FRMPD4: variants seen among roughly 807,000 people sequenced by gnomAD.
The protein encoded by FRMPD4 is FERM and PDZ domain containing 4.
In FRMPD4, 22 loss-of-function variants were observed where a neutral mutation model predicts 94.1. The ratio of observed to expected loss-of-function variants is 0.23; its 90% confidence interval spans 0.17 to 0.33. The LOEUF (loss-of-function observed/expected upper bound fraction) is 0.33, where lower values mean the gene tolerates loss of function less well. FRMPD4 is among the 10% of genes least tolerant of loss of function. FRMPD4 has a pLI of 1.00. For synonymous variants in FRMPD4, 631 were observed against 548.6 expected, an observed-to-expected ratio of 1.15 and a Z score of -2.10; for missense variants, 1,111 against 1,339.9, an observed-to-expected ratio of 0.83 and a Z score of 2.67.
chrX:12,632,749 G>A (rs1392302793), intron 4 of FRMPD4, among the ~76,000 whole-genome samples: 1 of 111,939 alleles, frequency 8.9e-6, no homozygotes, highest in Non-Finnish European at 1.9e-5. Context: ...TGTACTAGCA[G>A]AGACCATCAT....
At chrX:12,684,136 T>C (rs1217636529) in intron 6 of FRMPD4, among the ~76,000 whole-genome samples, 1 of 112,133 alleles carries the variant, frequency 8.9e-6, no homozygotes, top group Non-Finnish European at 1.9e-5. Flanking sequence ...TAGGTCCTGA[T>C]AGAAATCATG....
intron 2 of FRMPD4, among the ~76,000 whole-genome samples, chrX:12,544,673 T>G (rs141159850): frequency 0.012 from 1,288 of 111,316 alleles, 10 homozygotes; most frequent in Non-Finnish European, 0.02. Context: ...CCCATGAAAT[T>G]TGGGGTTTGC....
At chrX:12,143,607 C>T (rs1486657441) in intron 1 of FRMPD4, among the ~76,000 whole-genome samples, 1 of 111,573 alleles carries the variant, frequency 9.0e-6, no homozygotes, top group Non-Finnish European at 1.9e-5. Flanking sequence ...CACATGTGGG[C>T]ACACACATGT....
intron 5 of FRMPD4, 50 bp from the exon 6 acceptor site, chrX:12,683,433 G>T: frequency 1.5e-6 from 1 of 650,533 alleles, no homozygotes. Flanking sequence ...CTGTTACAAG[G>T]TTTGCATTAT....
In FRMPD4 at chrX:12,552,972, A is replaced by G. The variant is rs745401235; in HGVS notation, c.158+54176A>G. On this transcript the variant is annotated intron_variant, in intron 2 of 16. Transcript: ENST00000675598. ...GGAGTTTGAGATCAGCCTGGGCAAC[A>G]TGGAGAAACCCCATCTCTCCAAAAA... Among the ~76,000 whole-genome samples, 18 of 111,591 alleles carry G rather than the reference A, an allele frequency of 1.6e-4. No individual in the cohort carries two copies. In the South Asian group the frequency reaches 5.3e-3, roughly 33 times the overall value.
In FRMPD4 at chrX:12,676,234, A is replaced by G. The variant is rs773108961; in HGVS notation, c.468+1326A>G. 8.0e-5 allele frequency among the ~76,000 whole-genome samples: 9 copies of G among 112,228 alleles called. No homozygotes were observed. In the South Asian group the frequency reaches 3.3e-3, roughly 42 times the overall value. On this transcript the variant is annotated intron_variant, in intron 5 of 16. Transcript: ENST00000675598. Reference sequence around the variant, plus strand: ...GCTGCTCAGAACCTTGGTCTCCCCAACTGTCTGATTCCGAGATTCCTTCCA... The same window carrying G: ...GCTGCTCAGAACCTTGGTCTCCCCAGCTGTCTGATTCCGAGATTCCTTCCA...
intron 3 of FRMPD4, among the ~76,000 whole-genome samples, chrX:11,918,268 A>C (rs1206414060): frequency 2.7e-5 from 3 of 112,410 alleles, no homozygotes; most frequent in African/African-American, 9.8e-5. Context: ...GGAGAGAATA[A>C]ATTTGGTTTT....
At chrX:12,476,653 T>C (rs1391559623) in intron 1 of FRMPD4, among the ~76,000 whole-genome samples, 6 of 111,762 alleles carry the variant, frequency 5.4e-5, no homozygotes, top group East Asian at 2.8e-4. Context: ...AAGTGGACGA[T>C]AGATATGAAC....
chrX:12,414,177 T>A (rs969135508), intron 1 of FRMPD4, among the ~76,000 whole-genome samples: 1 of 112,560 alleles, frequency 8.9e-6, no homozygotes, highest in African/African-American at 3.2e-5. Context: ...CACATTAATA[T>A]CCTCATGCAG....
chrX:11,886,654 C>T (rs779443376), intron 3 of FRMPD4, among the ~76,000 whole-genome samples: 1 of 111,696 alleles, frequency 9.0e-6, no homozygotes, highest in African/African-American at 3.2e-5. Context: ...TCTCCCCTTC[C>T]TAAAACAGAA....
chrX:12,064,300 A>G (rs932264376), intron 3 of FRMPD4, among the ~76,000 whole-genome samples: 7 of 112,369 alleles, frequency 6.2e-5, no homozygotes, highest in African/African-American at 2.3e-4. Context: ...TATTTCTTCA[A>G]CGTTCCAGGA....
At chrX:12,396,528 A>G (rs1243730611) in intron 1 of FRMPD4, among the ~76,000 whole-genome samples, 3 of 112,097 alleles carry the variant, frequency 2.7e-5, no homozygotes, top group African/African-American at 6.5e-5. Context: ...TTTCTTCCAA[A>G]TCTTTGCTCT....
At chrX:12,468,011 C>G (rs1190389636) in intron 1 of FRMPD4, among the ~76,000 whole-genome samples, 2 of 111,862 alleles carry the variant, frequency 1.8e-5, no homozygotes, top group Non-Finnish European at 3.8e-5. Flanking sequence ...CCATTTTGTC[C>G]AGGGCATAGA....
intron 1 of FRMPD4, among the ~76,000 whole-genome samples, chrX:12,172,845 A>G (rs1481540726): frequency 8.9e-6 from 1 of 112,524 alleles, no homozygotes; most frequent in Admixed American, 9.4e-5. Context: ...CTTTAAAGCA[A>G]ATGTTATCTG....
chrX:12,411,108 A>T (rs2056727553), intron 1 of FRMPD4, among the ~76,000 whole-genome samples: 1 of 111,468 alleles, frequency 9.0e-6, no homozygotes, highest in African/African-American at 3.3e-5. Context: ...TTGGTGATGC[A>T]GCATTCTTAG....
At chrX:12,150,062 G>A (rs777754432) in intron 1 of FRMPD4, among the ~76,000 whole-genome samples, 10 of 112,473 alleles carry the variant, frequency 8.9e-5, no homozygotes, top group Non-Finnish European at 9.4e-5. Context: ...CTACAATATA[G>A]TATAAATGTA....
chrX:12,312,200 A>G (rs1268116641), intron 1 of FRMPD4, among the ~76,000 whole-genome samples: 1 of 96,859 alleles, frequency 1.0e-5, no homozygotes, highest in Non-Finnish European at 2.1e-5. Flanking sequence ...TTTTATTTAT[A>G]TAATTCCTAT....
intron 3 of FRMPD4, among the ~76,000 whole-genome samples, chrX:12,611,629 G>A (rs189730579): frequency 1.5e-4 from 17 of 112,457 alleles, no homozygotes; most frequent in Admixed American, 1.3e-3. Context: ...TAAGGGAAAC[G>A]AAACTCAAGT....
chrX:12,544,879 C>G lies in FRMPD4; in HGVS notation c.158+46083C>G, dbSNP rs1379294942. ...TATATACAATACCCAATCCTTTCTT[C>G]TTCTACAAAAAGACTGCAAACCCCA... On this transcript the variant is annotated intron_variant, in intron 2 of 16. Transcript: ENST00000675598. Among the ~76,000 whole-genome samples the G allele has an allele frequency of 8.9e-5, 10 of 111,977 alleles. No individual in the cohort carries two copies. In the East Asian group the frequency reaches 2.8e-3, roughly 31 times the overall value.
Sources: gnomAD v4.1 joint callset for allele counts (sites outside exome capture counted in the v4.1 genomes callset) on GRCh38, gnomAD v4.1.1 for gene constraint, MANE v1.5 for transcripts, NCBI Gene and HGNC (gene_info 2026-07-23, HGNC 2026-07-21) for gene names.